ADRA1B: variants seen among roughly 807,000 people sequenced by gnomAD.
ADRA1B encodes alpha-1B adrenergic receptor.
In ADRA1B, 17 loss-of-function variants were observed where a neutral mutation model predicts 17.9. The observed-to-expected ratio is 0.95, with a 90% confidence interval of 0.65 to 1.42. The LOEUF is 1.42. Ranked by LOEUF, ADRA1B falls within the 40% of genes most tolerant of loss-of-function variation. The pLI is 0.00. For missense variants in ADRA1B, 681 were observed against 722.1 expected, an observed-to-expected ratio of 0.94 and a Z score of 0.65; for synonymous variants, 366 against 327.6, an observed-to-expected ratio of 1.12 and a Z score of -1.27.
chr5:159,965,020 C>T (rs961892970), intron 1 of ADRA1B, among the ~76,000 whole-genome samples: 7 of 152,206 alleles, frequency 4.6e-5, no homozygotes, highest in Non-Finnish European at 1.0e-4. Context: ...TCTCCAAGGT[C>T]GCCCAGCTGA....
At chr5:159,879,383 G>T (rs570543300) in intron 1 of ADRA1B, among the ~76,000 whole-genome samples, 1 of 152,090 alleles carries the variant, frequency 6.6e-6, no homozygotes, top group Non-Finnish European at 1.5e-5. Context: ...TAAGCACGAC[G>T]GTGGGAATGA....
In ADRA1B at chr5:159,875,365, C is replaced by T. The variant is rs139892489; in HGVS notation, c.-256+10159C>T. On this transcript the variant is annotated intron_variant, in intron 1 of 2. Coordinates refer to the ADRA1B transcript ENST00000641205. ...CTCAAGCCCACAACCGCAGCTCCTACCCAAGAGCAAAATCTGAAATAAGTC... is the reference window on the plus strand; with the variant it reads ...CTCAAGCCCACAACCGCAGCTCCTATCCAAGAGCAAAATCTGAAATAAGTC... Among the ~76,000 whole-genome samples the T allele has an allele frequency of 9.5e-3, 1,443 of 152,202 alleles. 12 individuals are homozygous for T. The highest frequency in any genetic ancestry group is 0.034 in the Middle Eastern group (10 of 294).
downstream of ADRA1B, among the ~76,000 whole-genome samples, chr5:159,974,993 T>A (rs754069009): frequency 9.2e-5 from 14 of 152,182 alleles, no homozygotes; most frequent in Admixed American, 2.0e-4. Flanking sequence ...TCCCCTCTGC[T>A]ACCATCCTGT....
chr5:159,956,994 T>G (rs1303789795), intron 1 of ADRA1B, among the ~76,000 whole-genome samples: 1 of 152,074 alleles, frequency 6.6e-6, no homozygotes, highest in African/African-American at 2.4e-5. Flanking sequence ...TGCTTCAGCC[T>G]CTCAGGTAGT....
chr5:159,929,476 G>GCT, intron 1 of ADRA1B, among the ~76,000 whole-genome samples: 1 of 149,882 alleles, frequency 6.7e-6, no homozygotes, highest in Non-Finnish European at 1.5e-5. Context: ...TAAAAAGAGG[G>GCT]TTTTTTTTCT....
downstream of ADRA1B, among the ~76,000 whole-genome samples, chr5:159,975,644 C>T (rs1288904282): frequency 6.6e-6 from 1 of 152,198 alleles, no homozygotes; most frequent in Non-Finnish European, 1.5e-5. Context: ...TAGCAGCCTC[C>T]TGTTTCTTTC....
intron 1 of ADRA1B, among the ~76,000 whole-genome samples, chr5:159,971,506 CG>C (rs890480306): frequency 4.6e-5 from 7 of 152,156 alleles, no homozygotes; most frequent in Non-Finnish European, 2.9e-5. Flanking sequence ...AAACTAATAT[CG>C]GGAAAGCACC....
chr5:159,915,874 A>G (rs887185523), upstream of ADRA1B, among the ~76,000 whole-genome samples: 3 of 152,160 alleles, frequency 2.0e-5, no homozygotes, highest in African/African-American at 2.4e-5. Context: ...GAGTCCGTCT[A>G]TTTTGTTCAG....
chr5:159,868,577 A>G (rs932611505), intron 1 of ADRA1B: 1 of 152,234 alleles, frequency 6.6e-6, no homozygotes, highest in Non-Finnish European at 1.5e-5. Flanking sequence ...AGGTTGCTAT[A>G]TTCAGAAACG....
intron 1 of ADRA1B, among the ~76,000 whole-genome samples, chr5:159,969,448 A>G (rs1755829516): frequency 6.6e-6 from 1 of 152,258 alleles, no homozygotes; most frequent in Non-Finnish European, 1.5e-5. Flanking sequence ...GAAGAAATTC[A>G]AGAGCAATCC....
chr5:159,901,864 T>C lies in ADRA1B; in HGVS notation c.-255-14255T>C, dbSNP rs1303621600. ...AAAACAATAACAATTGTTAGTGAGG[T>C]TGGGGAGAAATTGGAAGCCTTGCAC... On this transcript the variant is annotated intron_variant, in intron 1 of 2. Transcript: ENST00000641205. 4.6e-5 allele frequency among the ~76,000 whole-genome samples: 7 copies of C among 152,164 alleles called. No individual in the cohort carries two copies. The East Asian group carries it at 1.4e-3, about 29-fold the overall frequency.
the ADRA1B span, among the ~76,000 whole-genome samples, chr5:159,983,902 G>A: frequency 5.9e-5 from 9 of 151,786 alleles, no homozygotes; most frequent in East Asian, 1.9e-4. Flanking sequence ...CCCTCCCCGC[G>A]TTCTTGCTGC....
intron 1 of ADRA1B, 119 bp from the exon 2 acceptor site, chr5:159,971,760 G>A: frequency 1.8e-6 from 2 of 1,101,328 alleles, no homozygotes; most frequent in Non-Finnish European, 2.4e-6. Context: ...CTCGGGGAAA[G>A]GCCTGGCGGC....
intron 1 of ADRA1B, among the ~76,000 whole-genome samples, chr5:159,886,093 A>G (rs919251283): frequency 2.0e-5 from 3 of 152,340 alleles, no homozygotes; most frequent in South Asian, 2.1e-4. Context: ...AGTATCATTC[A>G]GGGATTAAAA....
chr5:159,913,466 C>CT (rs776350315), upstream of ADRA1B, among the ~76,000 whole-genome samples: 15 of 152,202 alleles, frequency 9.9e-5, no homozygotes, highest in Non-Finnish European at 2.2e-4. Context: ...ACAGTGAGAT[C>CT]TTTGTTTTGC....
intron 1 of ADRA1B, among the ~76,000 whole-genome samples, chr5:159,900,545 T>C (rs182191030): frequency 2.2e-4 from 34 of 152,352 alleles, no homozygotes; most frequent in African/African-American, 6.7e-4. Flanking sequence ...AGCAAGCCAT[T>C]GATTTTATTT....
intron 1 of ADRA1B, among the ~76,000 whole-genome samples, chr5:159,943,038 C>T (rs553924033): frequency 4.6e-5 from 7 of 151,968 alleles, no homozygotes; most frequent in African/African-American, 1.7e-4. Context: ...ATGGTGAAAC[C>T]CCGTCTCTAC....
At chr5:159,966,819 G>C (rs1177758321) in intron 1 of ADRA1B, among the ~76,000 whole-genome samples, 1 of 152,214 alleles carries the variant, frequency 6.6e-6, no homozygotes, top group Admixed American at 6.5e-5. Flanking sequence ...GTGAATGCAT[G>C]TGGCTTTTCA....
At chr5:159,872,498 C>T (rs144247954) in intron 1 of ADRA1B, among the ~76,000 whole-genome samples, 18 of 152,226 alleles carry the variant, frequency 1.2e-4, no homozygotes, top group African/African-American at 4.3e-4. Context: ...CTATTATTAT[C>T]CCCATTTTAC....
Sources: allele counts gnomAD v4.1 joint callset (sites outside exome capture counted in the v4.1 genomes callset), GRCh38; gene constraint gnomAD v4.1.1; transcripts MANE v1.5; gene names NCBI Gene and HGNC (gene_info 2026-07-23, HGNC 2026-07-21).